The following HERC1 variants were observed in gnomAD, a reference collection of about 807,000 sequenced individuals.
HERC1 encodes HECT and RLD domain containing E3 ubiquitin protein ligase family member 1, also known as probable E3 ubiquitin-protein ligase HERC1.
HERC1 carries 160 observed loss-of-function variants against 554.3 expected under a neutral mutation model. The observed-to-expected ratio is 0.29, with a 90% CI of 0.25 to 0.33. The LOEUF (loss-of-function observed/expected upper bound fraction) is 0.33, where lower values mean the gene tolerates loss of function less well. Ranked by LOEUF, HERC1 falls within the 10% of genes least tolerant of loss-of-function variation. HERC1 has a pLI of 1.00. For missense variants in HERC1, 4,919 were observed against 5,918.5 expected (o/e 0.83, Z 5.54); for synonymous variants, 2,175 against 2,131.7 (o/e 1.02, Z -0.56).
chr15:63,688,227 G>A (rs1450275308), intron 33 of HERC1, among the ~76,000 whole-genome samples: 9 of 152,162 alleles, frequency 5.9e-5, no homozygotes, highest in South Asian at 4.1e-4. Flanking sequence ...TTTTAAAGAC[G>A]AGCCAACAGA....
Position 63,713,632 on chromosome 15 carries a change from A to C in HERC1, c.4184T>G (p.Val1395Gly). 3.1e-6 allele frequency: 5 copies of C among 1,612,644 alleles called. No individual in the cohort carries two copies. The highest frequency in any genetic ancestry group is 3.4e-6 in the Non-Finnish European group (4 of 1,179,290). The change falls in exon 23 of 78, where the codon GTA becomes GGA. Residue 1395 changes from valine to glycine, a missense_variant. This residue lies in a region of HERC1 where 1,121 missense variants were observed against 1,244.0 expected (regional missense o/e 0.90). Coordinates refer to ENST00000443617, the MANE Select transcript of HERC1 (RefSeq NM_003922.4). Reference sequence around the variant, plus strand: ...TCTATCTCGGTCTCGGCTACGAGCTACTTCACGGGCTGAGAGGAAACACTG... The same window carrying C: ...TCTATCTCGGTCTCGGCTACGAGCTCCTTCACGGGCTGAGAGGAAACACTG... ...IFQCFLSARE[V>G]ARSRDRDRMN...
chr15:63,772,147 A>C (rs1177578369), intron 2 of HERC1, among the ~76,000 whole-genome samples: 1 of 152,014 alleles, frequency 6.6e-6, no homozygotes, highest in East Asian at 1.9e-4. Context: ...AAAAAGGAAA[A>C]ATATTTAAAC....
intron 13 of HERC1, among the ~76,000 whole-genome samples, chr15:63,733,647 A>AGTTC: frequency 6.6e-6 from 1 of 151,436 alleles, no homozygotes; most frequent in Admixed American, 6.6e-5. Flanking sequence ...TGAGTCCAGG[A>AGTTC]ATTCAAGACC....
intron 14 of HERC1, among the ~76,000 whole-genome samples, chr15:63,732,442 T>C (rs2141017255): frequency 6.6e-6 from 1 of 152,314 alleles, no homozygotes; most frequent in Middle Eastern, 3.4e-3. Context: ...CACTGAATCA[T>C]AATGATCTGG....
chr15:63,819,691 C>T (rs1290445619), intron 1 of HERC1, among the ~76,000 whole-genome samples: 1 of 152,150 alleles, frequency 6.6e-6, no homozygotes, highest in East Asian at 1.9e-4. Context: ...CCATGAATTC[C>T]TGAACACCCA....
chr15:63,773,613 T>C (rs1258964994), intron 2 of HERC1, among the ~76,000 whole-genome samples: 1 of 151,778 alleles, frequency 6.6e-6, no homozygotes, highest in African/African-American at 2.4e-5. Flanking sequence ...GCATGATCTC[T>C]GCTCACTGCA....
chr15:63,651,703 G>A (rs1388548908), intron 52 of HERC1, among the ~76,000 whole-genome samples: 1 of 152,070 alleles, frequency 6.6e-6, no homozygotes. Flanking sequence ...TAAACTCTTG[G>A]GAATACTTCA....
rs141627446 is a variant in HERC1, at chr15:63,667,892, C to T, written c.8207-1420G>A. ...TCCCTCCTTTTCCTAGCCTACTCAACGGGAATATGACTATAATGAAGACTT... is the reference window on the plus strand; with the variant it reads ...TCCCTCCTTTTCCTAGCCTACTCAATGGGAATATGACTATAATGAAGACTT... On this transcript the variant is annotated intron_variant, in intron 40 of 77. Transcript: ENST00000443617. Among the ~76,000 whole-genome samples, 47 of 152,246 alleles carry T rather than the reference C, an allele frequency of 3.1e-4. No homozygotes were observed. The East Asian group carries it at 8.1e-3, about 26-fold the overall frequency.
At chr15:63,676,338 G>A (rs1434338661) in intron 37 of HERC1, among the ~76,000 whole-genome samples, 1 of 152,222 alleles carries the variant, frequency 6.6e-6, no homozygotes, top group Non-Finnish European at 1.5e-5. Context: ...GGGGAAGGCA[G>A]AGTCCATTAA....
In HERC1 at chr15:63,609,186, G is replaced by A. The variant is rs779806883; in HGVS notation, c.14481C>T (p.Ala4827=). The change falls in exon 78 of 78, where the codon GCC becomes GCT. Residue 4827 remains alanine, a synonymous_variant. Transcript: ENST00000443617. ...LPPYSSQLVM[A]ERLRYAINNC... ...TGTTGATGGCATAGCGCAGGCGCTCGGCCATGACCAGCTGGCTGGAGTACG... is the reference window on the plus strand; with the variant it reads ...TGTTGATGGCATAGCGCAGGCGCTCAGCCATGACCAGCTGGCTGGAGTACG... 39 of 1,613,542 alleles carry A rather than the reference G, an allele frequency of 2.4e-5. No homozygotes were observed. The highest frequency in any genetic ancestry group is 3.3e-4 in the Middle Eastern group (2 of 6,082).
intron 72 of HERC1, 78 bp downstream of exon 72, chr15:63,624,080 A>G (rs2068199699): frequency 2.8e-6 from 4 of 1,404,906 alleles, no homozygotes; most frequent in South Asian, 2.6e-5. Context: ...TGAGGAAACC[A>G]AGACTCACAG....
chr15:63,700,656 C>G (rs1221480207), intron 25 of HERC1, among the ~76,000 whole-genome samples: 1 of 138,984 alleles, frequency 7.2e-6, no homozygotes, highest in Non-Finnish European at 1.5e-5. Flanking sequence ...TTTAAAAAGG[C>G]TTAATTTTCA....
In HERC1 at chr15:63,720,103, C is replaced by CTTTTTTTT. The variant is rs573648232; in HGVS notation, c.3743-1214_3743-1207dup. On this transcript the variant is annotated intron_variant, in intron 19 of 77. Coordinates refer to ENST00000443617, the MANE Select transcript of HERC1 (RefSeq NM_003922.4). The stretch of plus-strand genomic sequence containing the variant: ...GGACTAGTCAGGTGCTTTTTCTTCC[C>CTTTTTTTT]TTTTTTTTTTTTTTTAAGAGACAGG... Among the ~76,000 whole-genome samples the CTTTTTTTT allele has an allele frequency of 6.3e-4, 45 of 71,598 alleles. 5 individuals carry two copies. Among genetic ancestry groups the CTTTTTTTT allele is most frequent in the African/African-American group, 1.6e-3 (27 of 16,614 alleles). 47.0% of individuals were successfully genotyped at this position (71,598 alleles called of 152,430 possible). A position where few individuals can be genotyped will look rare whatever the true frequency, so the allele number is the denominator to read the frequency against.
At chr15:63,769,864 T>TA (rs1206309093) in intron 2 of HERC1, among the ~76,000 whole-genome samples, 5 of 151,942 alleles carry the variant, frequency 3.3e-5, no homozygotes, top group East Asian at 1.9e-4. Context: ...TCTTAAAAAA[T>TA]AAAAAAAATA....
Position 63,640,196 on chromosome 15 carries a change from G to C in HERC1, c.11857C>G (p.Pro3953Ala). 1.2e-6 allele frequency: 2 copies of C among 1,613,918 alleles called. No individual in the cohort carries two copies. The highest frequency in any genetic ancestry group is 1.7e-6 in the Non-Finnish European group (2 of 1,179,828). ...TCCTCTGGAACAGGTTCTAGATCTG[G>C]AACGGTAAAAGATTCTGGAAACTGG... Reference protein sequence around the residue: ...GAQFPESFTVPDLEPVPEDEL... With the variant: ...GAQFPESFTVADLEPVPEDEL... The change falls in exon 61 of 78, where the codon CCA (proline) becomes GCA (alanine). Residue 3953 changes from proline to alanine, a missense_variant. Coordinates refer to ENST00000443617, the MANE Select transcript of HERC1 (RefSeq NM_003922.4).
At chr15:63,797,137 T>C (rs1302441402) in intron 1 of HERC1, among the ~76,000 whole-genome samples, 2 of 152,174 alleles carry the variant, frequency 1.3e-5, no homozygotes, top group African/African-American at 4.8e-5. Flanking sequence ...AAAGCAAGGA[T>C]GATAATAACC....
At chr15:63,615,241 A>T (rs546045467) in intron 76 of HERC1, among the ~76,000 whole-genome samples, 1 of 152,358 alleles carries the variant, frequency 6.6e-6, no homozygotes, top group Non-Finnish European at 1.5e-5. Context: ...CCAAAGACCA[A>T]TTCAGAACCG....
chr15:63,745,116 T>A (rs193276051), intron 12 of HERC1, among the ~76,000 whole-genome samples: 7 of 152,238 alleles, frequency 4.6e-5, no homozygotes, highest in African/African-American at 1.7e-4. Context: ...GTGACCAAGA[T>A]GTTATCTAAG....
intron 24 of HERC1, among the ~76,000 whole-genome samples, chr15:63,707,295 G>A (rs1049910981): frequency 6.6e-6 from 1 of 152,166 alleles, no homozygotes; most frequent in African/African-American, 2.4e-5. Flanking sequence ...CGTACTAACA[G>A]AAAAATAACA....
Sources: allele counts gnomAD v4.1 joint callset (sites outside exome capture counted in the v4.1 genomes callset), GRCh38; gene constraint gnomAD v4.1.1; regional missense constraint gnomAD v4.1.1; transcripts MANE v1.5; gene names NCBI Gene and HGNC (gene_info 2026-07-23, HGNC 2026-07-21).